INTS15: variants seen among roughly 807,000 people sequenced by gnomAD.
The protein encoded by INTS15 is uncharacterized protein C7orf26.
At chr7:6,591,031 G>T in the INTS15 span, among the ~76,000 whole-genome samples, 1 of 151,478 alleles carries the variant, frequency 6.6e-6, no homozygotes, top group African/African-American at 2.4e-5. Context: ...TAGAGATGGG[G>T]CCTCCCTGTG....
chr7:6,602,272 C>T, the INTS15 span: 6 of 675,764 alleles, frequency 8.9e-6, no homozygotes, highest in South Asian at 1.9e-5. Context: ...AGTGGAGCAT[C>T]AGAAAACGCA....
the INTS15 span, chr7:6,607,403 A>G: frequency 1.8e-5 from 9 of 504,864 alleles, no homozygotes; most frequent in South Asian, 1.1e-4. The surrounding 1 kb of genome is among the most constrained non-coding windows in gnomAD (Gnocchi z 6.0). Context: ...GTGGGTGCCC[A>G]AGAGTGGGGG....
chr7:6,598,629 C>G, the INTS15 span, among the ~76,000 whole-genome samples: 3 of 152,086 alleles, frequency 2.0e-5, no homozygotes, highest in African/African-American at 4.8e-5. Context: ...GGACGCCCTC[C>G]TGTGCACACA....
At chr7:6,595,552 A>C in the INTS15 span, among the ~76,000 whole-genome samples, 5 of 152,270 alleles carry the variant, frequency 3.3e-5, no homozygotes, top group South Asian at 1.0e-3. Flanking sequence ...TATTAGTGAT[A>C]CCCATTTGCC....
At chr7:6,590,267 G>A in the INTS15 span, 1 of 1,501,780 alleles carries the variant, frequency 6.7e-7, no homozygotes, top group Non-Finnish European at 8.8e-7. Flanking sequence ...CGGCGCGGGG[G>A]CCGCGGCGGC....
At chr7:6,601,849 G>A in the INTS15 span, among the ~76,000 whole-genome samples, 1 of 150,512 alleles carries the variant, frequency 6.6e-6, no homozygotes, top group Non-Finnish European at 1.5e-5. Context: ...TAGAGATGGG[G>A]TTTCACCATG....
At chr7:6,590,226 T>A in the INTS15 span, 1 of 1,394,856 alleles carries the variant, frequency 7.2e-7, no homozygotes, top group Non-Finnish European at 9.3e-7. Flanking sequence ...AGCGGCGCAG[T>A]CCCGGGCCCC....
the INTS15 span, chr7:6,591,733 A>T: frequency 6.2e-7 from 1 of 1,614,030 alleles, no homozygotes; most frequent in South Asian, 1.1e-5. Context: ...TCGGCAGATT[A>T]TTTTTTCATC....
chr7:6,601,540 C>A, the INTS15 span, among the ~76,000 whole-genome samples: 2 of 152,120 alleles, frequency 1.3e-5, no homozygotes, highest in African/African-American at 4.8e-5. Context: ...AAGTGATCCG[C>A]CCGCCTCAGC....
chr7:6,600,504 G>A, the INTS15 span: 109 of 827,232 alleles, frequency 1.3e-4, no homozygotes, highest in Non-Finnish European at 1.8e-4. Flanking sequence ...TGCCCCAGCC[G>A]TGCCCCCTGC....
At chr7:6,598,197 G>C in the INTS15 span, among the ~76,000 whole-genome samples, 1 of 152,072 alleles carries the variant, frequency 6.6e-6, no homozygotes, top group African/African-American at 2.4e-5. Context: ...TGGCCGGGAC[G>C]GGTGGCTCAC....
At chr7:6,603,675 C>G in the INTS15 span, among the ~76,000 whole-genome samples, 5 of 151,756 alleles carry the variant, frequency 3.3e-5, no homozygotes, top group Non-Finnish European at 7.4e-5. Flanking sequence ...CCCATCTCTA[C>G]TAAAAATACA....
the INTS15 span, among the ~76,000 whole-genome samples, chr7:6,598,735 TTGTGTGTGTGTGTGTGTGTG>T: frequency 2.3e-4 from 19 of 83,618 alleles, no homozygotes; most frequent in Admixed American, 6.7e-4. Context: ...GCTGTATGCT[TTGTGTGTGTGTGTGTGTGTG>T]TGTGTGTGTG....
the INTS15 span, among the ~76,000 whole-genome samples, chr7:6,594,053 C>G: frequency 0.38 from 52,684 of 138,826 alleles, 10,540 homozygotes; most frequent in African/African-American, 0.53. Context: ...TTGTTGCCCA[C>G]GCTGGAGTGC....
chr7:6,603,834 C>T, the INTS15 span, among the ~76,000 whole-genome samples: 4 of 151,650 alleles, frequency 2.6e-5, no homozygotes, highest in South Asian at 2.1e-4. Flanking sequence ...AGCAAAACTC[C>T]GTTTCAAAAA....
the INTS15 span, among the ~76,000 whole-genome samples, chr7:6,601,456 T>C: frequency 2.0e-5 from 3 of 151,882 alleles, no homozygotes; most frequent in East Asian, 5.8e-4. Flanking sequence ...TCAGCACGTC[T>C]GGCTAATTTT....
the INTS15 span, among the ~76,000 whole-genome samples, chr7:6,605,855 C>T: frequency 6.6e-6 from 1 of 151,790 alleles, no homozygotes; most frequent in East Asian, 1.9e-4. Flanking sequence ...ACTGCCACCA[C>T]GCCCAGCTAA....
the INTS15 span, among the ~76,000 whole-genome samples, chr7:6,605,079 G>A: frequency 6.6e-6 from 1 of 152,000 alleles, no homozygotes; most frequent in Non-Finnish European, 1.5e-5. Flanking sequence ...TGCAACCTCC[G>A]CGTCCTGGAT....
chr7:6,590,622 A>G, the INTS15 span: 1 of 1,384,884 alleles, frequency 7.2e-7, no homozygotes, highest in Non-Finnish European at 9.3e-7. Context: ...AGCAGCCCCC[A>G]AACCCTTCTC....
Sources: allele counts gnomAD v4.1 joint callset (sites outside exome capture counted in the v4.1 genomes callset), GRCh38; gene constraint gnomAD v4.1.1; non-coding constraint Gnocchi (gnomAD v3.1); transcripts MANE v1.5; gene names NCBI Gene and HGNC (gene_info 2026-07-23, HGNC 2026-07-21).